UGGT1: variants seen among roughly 807,000 people sequenced by gnomAD.
UGGT1 encodes UDP-glucose:glycoprotein glucosyltransferase 1.
UGGT1 carries 107 observed loss-of-function variants against 203.9 expected under a neutral mutation model. That is an observed-to-expected ratio of 0.52 (90% confidence interval 0.45 to 0.62). UGGT1 has a LOEUF of 0.62. Ranked by LOEUF, UGGT1 falls within the 20% of genes least tolerant of loss-of-function variation. The pLI, the probability that UGGT1 is intolerant of heterozygous loss-of-function variation, is 0.00. For synonymous variants in UGGT1, 628 were observed against 653.5 expected, an observed-to-expected ratio of 0.96 and a Z score of 0.59; for missense variants, 1,673 against 1,867.2, an observed-to-expected ratio of 0.90 and a Z score of 1.92.
chr2:128,091,868 T>G (rs1205855124), intron 1 of UGGT1, among the ~76,000 whole-genome samples: 1 of 152,230 alleles, frequency 6.6e-6, no homozygotes, highest in Non-Finnish European at 1.5e-5. Context: ...CACTGTGATC[T>G]GTTGGCTGGA....
intron 2 of UGGT1, among the ~76,000 whole-genome samples, chr2:128,102,672 T>A (rs901956455): frequency 6.6e-6 from 1 of 152,168 alleles, no homozygotes; most frequent in Admixed American, 6.5e-5. Context: ...AGAATGTATG[T>A]TTCAAGAAGT....
chr2:128,100,714 G>A (rs566954706), intron 2 of UGGT1, among the ~76,000 whole-genome samples: 3 of 151,830 alleles, frequency 2.0e-5, no homozygotes, highest in East Asian at 1.9e-4. Flanking sequence ...GAGCCACCGC[G>A]CCAGGCCTCT....
chr2:128,173,161 A>G (rs529183917), intron 29 of UGGT1, among the ~76,000 whole-genome samples: 64 of 152,378 alleles, frequency 4.2e-4, no homozygotes, highest in African/African-American at 1.5e-3. Flanking sequence ...CTTCTTTCAC[A>G]TAACAAATTG....
intron 13 of UGGT1, among the ~76,000 whole-genome samples, chr2:128,131,204 G>A (rs2105421365): frequency 7.7e-6 from 1 of 129,918 alleles, no homozygotes; most frequent in South Asian, 2.5e-4. Context: ...CTGTACTCCA[G>A]CCTGGGCGAC....
intron 11 of UGGT1, 92 bp downstream of exon 11, chr2:128,123,338 C>A: frequency 1.9e-6 from 2 of 1,065,208 alleles, no homozygotes. Flanking sequence ...AACAGTGTCA[C>A]TCTTCTTTTA....
chr2:128,145,540 A>G, intron 17 of UGGT1: 1 of 343,982 alleles, frequency 2.9e-6, no homozygotes. Flanking sequence ...AAACACACGT[A>G]CACACACACG....
At chr2:128,097,649 G>A in intron 2 of UGGT1, 85 bp downstream of exon 2, 3 of 1,512,394 alleles carry the variant, frequency 2.0e-6, no homozygotes, top group Non-Finnish European at 2.7e-6. Flanking sequence ...TTTAAGGAGT[G>A]AGATTATCAT....
At chr2:128,121,323 C>T (rs111350166) in intron 10 of UGGT1, 25 bp downstream of exon 10, 2 of 1,524,142 alleles carry the variant, frequency 1.3e-6, no homozygotes, top group Non-Finnish European at 1.8e-6. Context: ...TGCTCTTCTC[C>T]TTAACATCAT....
At chr2:128,174,731 G>A (rs764953976) in intron 30 of UGGT1, 42 bp from the exon 31 acceptor site, 2 of 1,449,344 alleles carry the variant, frequency 1.4e-6, no homozygotes, top group South Asian at 1.2e-5. Context: ...TAACATTTTG[G>A]TGTTTTGAAG....
intron 19 of UGGT1, among the ~76,000 whole-genome samples, chr2:128,154,051 A>ATG (rs1367055972): frequency 9.4e-6 from 1 of 105,860 alleles, no homozygotes; most frequent in Non-Finnish European, 2.1e-5. Flanking sequence ...GGAAAAATAC[A>ATG]TGTATATATA....
chr2:128,120,401 G>A lies in UGGT1; in HGVS notation c.918G>A (p.Lys306=). 6.2e-7 allele frequency: 1 copy of A among 1,614,036 alleles called. No individual in the cohort carries two copies. Among genetic ancestry groups the A allele is most frequent in the Admixed American group, 1.7e-5 (1 of 60,014 alleles). The change falls in exon 9 of 41, where the codon AAG becomes AAA. Residue 306 remains lysine (K), a synonymous_variant. Transcript: ENST00000259253. The part of the protein sequence containing the change: ...DLEGQLKELR[K]HLVESTNEMA... The stretch of plus-strand genomic sequence containing the variant: ...AGGGACAGTTGAAAGAACTCAGAAA[G>A]CATCTTGTAGAGAGCACCAATGAAA...
intron 8 of UGGT1, among the ~76,000 whole-genome samples, chr2:128,116,611 A>G (rs949230114): frequency 6.6e-6 from 1 of 151,936 alleles, no homozygotes; most frequent in East Asian, 1.9e-4. Flanking sequence ...TGCAACCTCC[A>G]CTTTCCACGT....
chr2:128,153,289 C>T (rs2104712947), intron 19 of UGGT1, among the ~76,000 whole-genome samples: 1 of 152,304 alleles, frequency 6.6e-6, no homozygotes, highest in Non-Finnish European at 1.5e-5. Flanking sequence ...CAACAAATAT[C>T]TCAGTGAATT....
chr2:128,110,147 A>C (rs1687779981), intron 5 of UGGT1, among the ~76,000 whole-genome samples: 1 of 152,162 alleles, frequency 6.6e-6, no homozygotes, highest in South Asian at 2.1e-4. Context: ...ACAAAGGAGG[A>C]TATTTGAAAG....
chr2:128,181,776 C>G (rs1691702279), intron 36 of UGGT1, among the ~76,000 whole-genome samples: 1 of 152,228 alleles, frequency 6.6e-6, no homozygotes, highest in Non-Finnish European at 1.5e-5. Context: ...CATTATTCTA[C>G]ATCTGTCCAT....
intron 3 of UGGT1, among the ~76,000 whole-genome samples, chr2:128,104,368 A>G (rs1270866327): frequency 6.6e-6 from 1 of 152,234 alleles, no homozygotes; most frequent in Non-Finnish European, 1.5e-5. Flanking sequence ...GAACTACACA[A>G]CTGAGCTATT....
chr2:128,129,132 C>A lies in UGGT1; in HGVS notation c.1330C>A (p.Pro444Thr), dbSNP rs1195339470. 1 of 1,614,018 alleles carries A rather than the reference C, an allele frequency of 6.2e-7. No individual in the cohort carries two copies. The highest frequency in any genetic ancestry group is 1.3e-5 in the African/African-American group (1 of 75,036). The change falls in exon 13 of 41, where the codon CCC becomes ACC. Residue 444 changes from proline to threonine, a missense_variant. Transcript: ENST00000259253. ...TAATGTTTTGAAGCTGAACATCCAG[C>A]CCTCTGAGGCAGACTATGCCGTAGA... ...LHNVLKLNIQ[P>T]SEADYAVDIR...
Position 128,183,755 on chromosome 2 carries a change from G to C in UGGT1, c.4325G>C (p.Ser1442Thr), listed in dbSNP as rs770661976. 3.1e-6 allele frequency: 5 copies of C among 1,614,008 alleles called. No individual in the cohort carries two copies. The Admixed American group carries it at 5.0e-5, about 16-fold the overall frequency. The change falls in exon 38 of 41, where the codon AGT (serine) becomes ACT (threonine). Residue 1442 changes from serine (S) to threonine (T), a missense_variant. Ser to Thr is a moderately conservative substitution (Grantham distance 58, BLOSUM62 1). Transcript: ENST00000259253. ...CTCAGGGGACAGTACCAAGGTCTGAGTCAGGACCCTAACAGCCTTTCAAAT... is the reference window on the plus strand; with the variant it reads ...CTCAGGGGACAGTACCAAGGTCTGACTCAGGACCCTAACAGCCTTTCAAAT... ...DRLRGQYQGL[S>T]QDPNSLSNLD...
intron 26 of UGGT1, among the ~76,000 whole-genome samples, chr2:128,169,602 A>G (rs1690988901): frequency 1.3e-5 from 2 of 152,242 alleles, no homozygotes; most frequent in Admixed American, 1.3e-4. Context: ...AGTTGGTTGT[A>G]CAAATTGTTT....
Sources: gnomAD v4.1 joint callset for allele counts (sites outside exome capture counted in the v4.1 genomes callset) on GRCh38, gnomAD v4.1.1 for gene constraint, MANE v1.5 for transcripts, NCBI Gene and HGNC (gene_info 2026-07-23, HGNC 2026-07-21) for gene names.